The following FTO variants were observed in gnomAD, a reference collection of about 807,000 sequenced individuals.
FTO encodes FTO alpha-ketoglutarate dependent dioxygenase.
Under a neutral mutation model 63.9 loss-of-function variants are expected in FTO, and 47 were observed. The ratio of observed to expected loss-of-function variants is 0.74; its 90% CI spans 0.58 to 0.94. The LOEUF is 0.94. Among genes scored for constraint, FTO ranks in the 40% least tolerant of loss-of-function variants. The pLI is 0.00. For missense variants in FTO, 562 were observed against 618.1 expected, an observed-to-expected ratio of 0.91 and a Z score of 0.96; for synonymous variants, 207 against 224.4, an observed-to-expected ratio of 0.92 and a Z score of 0.69.
intron 4 of FTO, among the ~76,000 whole-genome samples, chr16:53,863,554 A>G (rs75542668): frequency 0.03 from 4,641 of 152,282 alleles, 260 homozygotes; most frequent in African/African-American, 0.11. Context: ...ATCATTGCTG[A>G]TTGCTCCAGT....
intron 1 of FTO, among the ~76,000 whole-genome samples, chr16:53,741,400 G>A (rs917751980): frequency 1.3e-5 from 2 of 152,020 alleles, no homozygotes; most frequent in African/African-American, 4.8e-5. Context: ...AACTTCTATT[G>A]CATTGTTTGT....
chr16:53,930,422 A>G (rs957937371), intron 7 of FTO, among the ~76,000 whole-genome samples: 16 of 151,368 alleles, frequency 1.1e-4, no homozygotes, highest in African/African-American at 3.6e-4. Context: ...ACGGGGTTTC[A>G]CCGTGTTAGC....
intron 7 of FTO, among the ~76,000 whole-genome samples, chr16:53,901,053 C>T (rs1009571025): frequency 6.6e-6 from 1 of 152,190 alleles, no homozygotes; most frequent in African/African-American, 2.4e-5. Flanking sequence ...AAAATGAAAA[C>T]CGTTTGATTA....
rs79735559 is a variant in FTO at position 53,960,465 on chromosome 16, A to G, written c.1364+26356A>G. ...TGAAGGAGGGAAAGTATGAATTTTT[A>G]TCTCCCATTTACTAGACTTTCATTG... is the stretch of plus-strand genomic sequence containing the variant. On this transcript the variant is annotated intron_variant, in intron 8 of 8. Transcript: ENST00000471389. 4.1e-3 allele frequency among the ~76,000 whole-genome samples: 631 copies of G among 152,282 alleles called. 5 individuals carry two copies. Among genetic ancestry groups the G allele is most frequent in the African/African-American group, 0.014 (602 of 41,554 alleles).
intron 8 of FTO, among the ~76,000 whole-genome samples, chr16:53,957,441 T>C (rs1333763068): frequency 2.0e-5 from 3 of 152,230 alleles, no homozygotes; most frequent in South Asian, 2.1e-4. Context: ...ATGATTACCA[T>C]TGGACGTTGT....
intron 8 of FTO, among the ~76,000 whole-genome samples, chr16:54,079,493 C>T (rs1234606202): frequency 6.6e-6 from 1 of 152,196 alleles, no homozygotes; most frequent in Non-Finnish European, 1.5e-5. Context: ...AAGAAAAACA[C>T]ATAGATGCTA....
chr16:53,899,230 CT>C (rs36083917), intron 7 of FTO, among the ~76,000 whole-genome samples: 103,802 of 148,078 alleles, frequency 0.7, 36,912 homozygotes, highest in East Asian at 0.84. Context: ...TATGGAAAAT[CT>C]TTTTTTTTTT....
chr16:53,840,197 T>C (rs1352319037), intron 3 of FTO, among the ~76,000 whole-genome samples: 1 of 152,150 alleles, frequency 6.6e-6, no homozygotes, highest in Non-Finnish European at 1.5e-5. Flanking sequence ...TCCTAAAATA[T>C]TTCCTTTTTT....
intron 1 of FTO, among the ~76,000 whole-genome samples, chr16:53,705,105 A>G (rs1219326212): frequency 4.7e-5 from 7 of 149,642 alleles, no homozygotes; most frequent in Admixed American, 4.6e-4. Context: ...ATTGGCCTAC[A>G]CTCACTCTAC....
chr16:53,779,993 G>C (rs1434147340), intron 1 of FTO, among the ~76,000 whole-genome samples: 2 of 152,190 alleles, frequency 1.3e-5, no homozygotes, highest in Non-Finnish European at 2.9e-5. Context: ...AGTTTTAACA[G>C]TCTTCTCCCT....
chr16:53,952,688 T>C (rs1567468628), intron 8 of FTO, among the ~76,000 whole-genome samples: 1 of 152,164 alleles, frequency 6.6e-6, no homozygotes, highest in Non-Finnish European at 1.5e-5. Flanking sequence ...AAAATTAACC[T>C]TGACTGTCAA....
chr16:54,072,717 C>T (rs1567554123), intron 8 of FTO, among the ~76,000 whole-genome samples: 2 of 152,144 alleles, frequency 1.3e-5, no homozygotes, highest in African/African-American at 4.8e-5. Flanking sequence ...TTGTGCCCCG[C>T]CCCATCCTCA....
At chr16:53,730,980 TAGAAAC>T in intron 1 of FTO, among the ~76,000 whole-genome samples, 1 of 152,244 alleles carries the variant, frequency 6.6e-6, no homozygotes, top group South Asian at 2.1e-4. Context: ...AATAAATTCC[TAGAAAC>T]AGAACAACGG....
chr16:53,752,046 CAT>C (rs2076807990), intron 1 of FTO, among the ~76,000 whole-genome samples: 1 of 152,180 alleles, frequency 6.6e-6, no homozygotes, highest in African/African-American at 2.4e-5. Flanking sequence ...GGCACAAAGA[CAT>C]ATGTATAAGA....
rs1338737200 is a variant in FTO at position 54,114,288 on chromosome 16, T to C, written c.*2373T>C. 2 of 152,200 alleles carry C rather than the reference T, an allele frequency of 1.3e-5. No homozygotes were observed. The highest frequency in any genetic ancestry group is 2.9e-5 in the Non-Finnish European group (2 of 68,058). 9.4% of individuals were successfully genotyped at this position (152,200 alleles called of 1,614,324 possible). A position where few individuals can be genotyped will look rare whatever the true frequency, so the allele number is the denominator to read the frequency against. Reference sequence around the variant, plus strand: ...TGTGAACCTGACCTGCATCACCCTTTCATGTCAGTGCTCTCCAAACCTGCT... The same window carrying C: ...TGTGAACCTGACCTGCATCACCCTTCCATGTCAGTGCTCTCCAAACCTGCT... On this transcript the variant is annotated 3_prime_UTR_variant, in exon 9 of 9. Transcript: ENST00000471389.
intron 8 of FTO, among the ~76,000 whole-genome samples, chr16:54,078,153 A>T (rs561427338): frequency 2.0e-5 from 3 of 152,066 alleles, no homozygotes; most frequent in Admixed American, 1.3e-4. Context: ...CGTTGGTCTA[A>T]ATTCTAAACA....
chr16:53,917,975 C>T (rs961013875), intron 7 of FTO, among the ~76,000 whole-genome samples: 2 of 152,078 alleles, frequency 1.3e-5, no homozygotes, highest in Admixed American at 6.6e-5. Flanking sequence ...ATGTCAGTAG[C>T]ATGAGCTTAG....
chr16:53,842,997 T>A (rs1464459581), intron 3 of FTO, among the ~76,000 whole-genome samples: 1 of 152,194 alleles, frequency 6.6e-6, no homozygotes, highest in African/African-American at 2.4e-5. Context: ...TCTATATGAG[T>A]ATAGCCTATT....
At chr16:53,961,047 C>T (rs2083067370) in intron 8 of FTO, among the ~76,000 whole-genome samples, 1 of 152,108 alleles carries the variant, frequency 6.6e-6, no homozygotes, top group African/African-American at 2.4e-5. Context: ...CTCTCTTCAC[C>T]CCACCTTTCT....
Sources: gnomAD v4.1 joint callset for allele counts (sites outside exome capture counted in the v4.1 genomes callset) on GRCh38, gnomAD v4.1.1 for gene constraint, MANE v1.5 for transcripts, NCBI Gene and HGNC (gene_info 2026-07-23, HGNC 2026-07-21) for gene names.